The following HSP90B1 variants were observed in gnomAD, a reference collection of about 807,000 sequenced individuals.
The protein encoded by HSP90B1 is heat shock protein 90 beta family member 1.
HSP90B1 carries 27 observed loss-of-function variants against 100.4 expected under a neutral mutation model. The ratio of observed to expected loss-of-function variants is 0.27; its 90% CI spans 0.20 to 0.37. The LOEUF (loss-of-function observed/expected upper bound fraction) is 0.37, where lower values mean the gene tolerates loss of function less well. HSP90B1 is among the 10% of genes least tolerant of loss of function. The pLI, the probability that HSP90B1 is intolerant of heterozygous loss-of-function variation, is 1.00. For synonymous variants in HSP90B1, 304 were observed against 330.8 expected (o/e 0.92, Z 0.88); for missense variants, 678 against 960.5 (o/e 0.71, Z 3.89).
intron 4 of HSP90B1, among the ~76,000 whole-genome samples, chr12:103,933,187 T>A (rs962616375): frequency 2.6e-5 from 4 of 152,236 alleles, no homozygotes; most frequent in Admixed American, 1.3e-4. Context: ...AACAGCAGAG[T>A]CAAGTTGTTT....
chr12:103,943,896 C>A lies in HSP90B1; in HGVS notation c.2027+22C>A. 6.2e-7 allele frequency: 1 copy of A among 1,606,250 alleles called. No homozygotes were observed. The highest frequency in any genetic ancestry group is 8.5e-7 in the Non-Finnish European group (1 of 1,176,112). Reference sequence around the variant, plus strand: ...CAAAGTAAGCATCCTCGGGAAAGTCCCTGCCAGGGCGTTGCCCCTTACCCA... The same window carrying A: ...CAAAGTAAGCATCCTCGGGAAAGTCACTGCCAGGGCGTTGCCCCTTACCCA... On this transcript the variant is annotated intron_variant, in intron 14 of 17. Transcript: ENST00000299767. The surrounding 1 kb of genome is among the most constrained non-coding windows in gnomAD (Gnocchi z 5.3).
At chr12:103,941,984 T>C in intron 11 of HSP90B1, 87 bp downstream of exon 11, 1 of 975,146 alleles carries the variant, frequency 1.0e-6, no homozygotes, top group Admixed American at 1.8e-5. Flanking sequence ...AAACCAGATT[T>C]TGGGTCTGGT....
Position 103,930,595 on chromosome 12 carries a change from C to G in HSP90B1, c.49+31C>G, listed in dbSNP as rs369491071. On this transcript the variant is annotated intron_variant, in intron 1 of 17. Transcript: ENST00000299767. The surrounding 1 kb of genome is among the most constrained non-coding windows in gnomAD (Gnocchi z 4.4). ...TGATTCTGGAGGAGCAGACGTCCCCCCTCCACACACGCGGCCGCTTCTCGA... is the reference window on the plus strand; with the variant it reads ...TGATTCTGGAGGAGCAGACGTCCCCGCTCCACACACGCGGCCGCTTCTCGA... 16 of 1,592,212 alleles carry G rather than the reference C, an allele frequency of 1.0e-5. No homozygotes were observed. In the East Asian group the frequency reaches 2.3e-4, roughly 23 times the overall value.
At chr12:103,938,264 T>C in intron 6 of HSP90B1, 76 bp from the exon 7 acceptor site, 1 of 1,329,722 alleles carries the variant, frequency 7.5e-7, no homozygotes, top group Non-Finnish European at 1.0e-6. Context: ...TGACCTGTAA[T>C]GTTATATCAT....
At chr12:103,942,977 A>G (rs1432052058) in intron 12 of HSP90B1, 97 bp from the exon 13 acceptor site, 14 of 1,507,518 alleles carry the variant, frequency 9.3e-6, no homozygotes, top group Middle Eastern at 1.8e-4. Context: ...CACCTGTAAA[A>G]TGGAGTTTTT....
intron 3 of HSP90B1, 149 bp from the exon 4 acceptor site, chr12:103,932,674 ACTT>A: frequency 1.5e-6 from 1 of 671,202 alleles, no homozygotes; most frequent in Non-Finnish European, 2.6e-6. Flanking sequence ...CATAAACTAA[ACTT>A]CTTGCATTGC....
In HSP90B1 at chr12:103,939,737, A is replaced by AT. The variant is rs1870023144; in HGVS notation, c.1092+118dup. The stretch of plus-strand genomic sequence containing the variant: ...CATGAATATGAGATGGTCCATTCCC[A>AT]TTTTTTCCCAGTGAGAAAATTCAAA... On this transcript the variant is annotated intron_variant, in intron 8 of 17. Coordinates refer to ENST00000299767, the MANE Select transcript of HSP90B1 (RefSeq NM_003299.3). 8 of 528,670 alleles carry AT rather than the reference A, an allele frequency of 1.5e-5. No individual in the cohort carries two copies. The South Asian group carries it at 2.7e-4, about 18-fold the overall frequency. The allele number at this position is 528,670 out of a possible 1,614,324, so 32.7% of individuals were successfully genotyped here.
intron 14 of HSP90B1, among the ~76,000 whole-genome samples, chr12:103,944,276 T>TG (rs1433282738): frequency 6.6e-6 from 1 of 152,096 alleles, no homozygotes; most frequent in Admixed American, 6.5e-5. Flanking sequence ...CCCCAAGCAT[T>TG]AAATTATGGG....
intron 2 of HSP90B1, chr12:103,931,828 G>A: frequency 3.3e-6 from 2 of 611,998 alleles, no homozygotes; most frequent in Middle Eastern, 2.6e-4. Context: ...AAACTATATT[G>A]CAGAATACTA....
chr12:103,939,433 A>G (rs547549568), intron 7 of HSP90B1, 76 bp from the exon 8 acceptor site: 4 of 648,980 alleles, frequency 6.2e-6, no homozygotes, highest in African/African-American at 5.8e-5. Context: ...TTTGAAATCT[A>G]CTGAAGCCAT....
At chr12:103,946,061 C>T (rs1333398237) in intron 14 of HSP90B1, among the ~76,000 whole-genome samples, 1 of 152,188 alleles carries the variant, frequency 6.6e-6, no homozygotes, top group African/African-American at 2.4e-5. Context: ...AACCTATGCA[C>T]ATCTTCCCAT....
At position 103,932,348 on chromosome 12, in the gene HSP90B1, A is replaced by G; in HGVS notation, c.224A>G (p.Lys75Arg). ...AGAGAACTTAGAGAGAAGTCGGAAA[A>G]GTTTGCCTTCCAAGCCGAAGTTAAC... The part of the protein sequence containing the change: ...QIRELREKSE[K>R]FAFQAEVNRM... The change falls in exon 3 of 18, where the codon AAG (lysine) becomes AGG (arginine). Residue 75 changes from lysine to arginine, a missense_variant. This residue lies in a region of HSP90B1 where 88 missense variants were observed against 88.2 expected (regional missense o/e 1.00). Transcript: ENST00000299767. The G allele has an allele frequency of 3.1e-6, 5 of 1,613,398 alleles. No individual in the cohort carries two copies. Among genetic ancestry groups the G allele is most frequent in the Non-Finnish European group, 4.2e-6 (5 of 1,179,512 alleles).
In HSP90B1 at chr12:103,934,079, A is replaced by G; in HGVS notation, c.535A>G (p.Thr179Ala). ...GACAAGCGAGTTTTTAAACAAAATG[A>G]CTGAAGCACAGGAAGATGGCCAGTC... Reference protein sequence around the residue: ...SGTSEFLNKMTEAQEDGQSTS... With the variant: ...SGTSEFLNKMAEAQEDGQSTS... The change falls in exon 5 of 18, where the codon ACT becomes GCT. Residue 179 changes from threonine (T) to alanine (A), a missense_variant. By Grantham distance (58) the Thr-to-Ala change is moderately conservative. Coordinates refer to ENST00000299767, the MANE Select transcript of HSP90B1 (RefSeq NM_003299.3). The G allele has an allele frequency of 1.2e-6, 2 of 1,614,238 alleles. No individual in the cohort carries two copies. The highest frequency in any genetic ancestry group is 1.7e-6 in the Non-Finnish European group (2 of 1,180,038).
In HSP90B1 at chr12:103,947,370, A is replaced by T. The variant is rs763219647; in HGVS notation, c.2322A>T (p.Thr774=). The change falls in exon 17 of 18, where the codon ACA becomes ACT. Residue 774 remains threonine (T), a synonymous_variant. Transcript: ENST00000299767. ...EETAEDTTED[T]EQDEDEEMDV... ...CAGCAGAAGACACAACAGAAGACAC[A>T]GAGCAAGACGAAGATGAAGAAATGG... The T allele has an allele frequency of 6.2e-7, 1 of 1,609,788 alleles. No individual in the cohort carries two copies.
chr12:103,946,799 A>T lies in HSP90B1; in HGVS notation c.2120A>T (p.Asp707Val), dbSNP rs1870249100. 1 of 1,613,980 alleles carries T rather than the reference A, an allele frequency of 6.2e-7. No individual in the cohort carries two copies. Among genetic ancestry groups the T allele is most frequent in the African/African-American group, 1.3e-5 (1 of 74,932 alleles). The part of the protein sequence containing the change: ...MLRRIKEDED[D>V]KTVLDLAVVL... Reference sequence around the variant, plus strand: ...CTTGCATTTCAGGAAGATGAAGATGATAAAACAGTTTTGGATCTTGCTGTG... The same window carrying T: ...CTTGCATTTCAGGAAGATGAAGATGTTAAAACAGTTTTGGATCTTGCTGTG... The change falls in exon 16 of 18, where the codon GAT becomes GTT. Residue 707 changes from aspartate (D) to valine (V), a missense_variant. Physicochemically the swap from Asp to Val is radical, Grantham distance 152. Around this residue, in one of 8 missense-constraint regions of HSP90B1, gnomAD observed 64 missense variants for 66.4 expected, o/e 0.96. Transcript: ENST00000299767.
At chr12:103,938,505 T>C in intron 7 of HSP90B1, 46 bp downstream of exon 7, 1 of 1,577,050 alleles carries the variant, frequency 6.3e-7, no homozygotes, top group Non-Finnish European at 8.6e-7. Flanking sequence ...TTAACATGTA[T>C]AGGCAAAACC....
In HSP90B1 at chr12:103,932,305, T is replaced by C; in HGVS notation, c.181T>C (p.Leu61=). The C allele has an allele frequency of 6.2e-7, 1 of 1,612,910 alleles. No individual in the cohort carries two copies. The highest frequency in any genetic ancestry group is 8.5e-7 in the Non-Finnish European group (1 of 1,179,524). ...GGAAGAAGCTATTCAGTTGGATGGA[T>C]TAAATGCATCACAAATAAGAGAACT... is the stretch of plus-strand genomic sequence containing the variant. The part of the protein sequence containing the change: ...REEEAIQLDG[L]NASQIRELRE... Residue 61 remains leucine (L), a synonymous_variant, in exon 3 of 18, where the codon TTA becomes CTA. Coordinates refer to ENST00000299767, the MANE Select transcript of HSP90B1 (RefSeq NM_003299.3).
At chr12:103,940,346 T>C (rs988934544) in intron 8 of HSP90B1, among the ~76,000 whole-genome samples, 5 of 152,014 alleles carry the variant, frequency 3.3e-5, no homozygotes, top group African/African-American at 4.8e-5. Flanking sequence ...TTTTTTTTTT[T>C]CTTCTTCTTT....
intron 3 of HSP90B1, 90 bp downstream of exon 3, chr12:103,932,508 G>A: frequency 2.6e-6 from 3 of 1,138,778 alleles, no homozygotes; most frequent in African/African-American, 1.6e-5. Flanking sequence ...AAGTAATGTA[G>A]TATCCAAGTA....
Sources: gnomAD v4.1 joint callset for allele counts (sites outside exome capture counted in the v4.1 genomes callset) on GRCh38, gnomAD v4.1.1 for gene constraint, gnomAD v4.1.1 regional missense constraint, Gnocchi (gnomAD v3.1) non-coding constraint, MANE v1.5 for transcripts, NCBI Gene and HGNC (gene_info 2026-07-23, HGNC 2026-07-21) for gene names.